ABTB3: variants seen among roughly 807,000 people sequenced by gnomAD.
ABTB3 encodes ankyrin repeat- and BTB/POZ domain-containing protein 3.
At chr12:107,500,101 C>A in the ABTB3 span, among the ~76,000 whole-genome samples, 1 of 152,136 alleles carries the variant, frequency 6.6e-6, no homozygotes, top group Admixed American at 6.5e-5. Context: ...CCCTGACATG[C>A]GGCGATTACA....
At chr12:107,349,551 CCTCT>C in the ABTB3 span, among the ~76,000 whole-genome samples, 1 of 152,162 alleles carries the variant, frequency 6.6e-6, no homozygotes, top group East Asian at 1.9e-4. Context: ...GGTTATTTAA[CCTCT>C]CTGAGTCTTT....
At chr12:107,590,247 T>C in the ABTB3 span, among the ~76,000 whole-genome samples, 1 of 152,330 alleles carries the variant, frequency 6.6e-6, no homozygotes, top group African/African-American at 2.4e-5. Context: ...AAGGCTTCTA[T>C]ATAAACACAC....
chr12:107,524,801 T>G, the ABTB3 span, among the ~76,000 whole-genome samples: 1 of 152,222 alleles, frequency 6.6e-6, no homozygotes, highest in Non-Finnish European at 1.5e-5. Flanking sequence ...CACTCAGACT[T>G]GAGATTCCCC....
the ABTB3 span, among the ~76,000 whole-genome samples, chr12:107,378,950 A>G: frequency 1.3e-5 from 2 of 152,212 alleles, no homozygotes; most frequent in Non-Finnish European, 2.9e-5. Flanking sequence ...AGATGGTGCC[A>G]GAAGGAATTT....
At chr12:107,415,117 C>T in the ABTB3 span, among the ~76,000 whole-genome samples, 19 of 152,276 alleles carry the variant, frequency 1.2e-4, no homozygotes, top group East Asian at 3.5e-3. Flanking sequence ...TCTGTTTCCT[C>T]CACTTATCAT....
the ABTB3 span, among the ~76,000 whole-genome samples, chr12:107,540,941 ATGATCACCC>A: frequency 6.6e-6 from 1 of 152,180 alleles, no homozygotes; most frequent in Non-Finnish European, 1.5e-5. Context: ...GCAGTGAGCT[ATGATCACCC>A]TGCTGCACTC....
the ABTB3 span, among the ~76,000 whole-genome samples, chr12:107,636,412 T>C: frequency 6.6e-6 from 1 of 152,244 alleles, no homozygotes; most frequent in Non-Finnish European, 1.5e-5. Flanking sequence ...GGACTTTTCC[T>C]ACTTCCTGTT....
the ABTB3 span, among the ~76,000 whole-genome samples, chr12:107,550,487 G>A: frequency 1.4e-5 from 2 of 139,132 alleles, no homozygotes; most frequent in African/African-American, 2.6e-5. Flanking sequence ...CGGTGGTTCT[G>A]GGAAGCTAAA....
chr12:107,466,680 G>C, the ABTB3 span, among the ~76,000 whole-genome samples: 1 of 151,876 alleles, frequency 6.6e-6, no homozygotes, highest in African/African-American at 2.4e-5. Flanking sequence ...GTTGATGCCG[G>C]GCTATTTCAG....
At chr12:107,565,458 T>G in the ABTB3 span, among the ~76,000 whole-genome samples, 1 of 152,218 alleles carries the variant, frequency 6.6e-6, no homozygotes, top group Non-Finnish European at 1.5e-5. Context: ...ATTTCCCCTC[T>G]GTTATTCTCA....
At chr12:107,571,281 G>A in the ABTB3 span, among the ~76,000 whole-genome samples, 97 of 152,220 alleles carry the variant, frequency 6.4e-4, 1 homozygote, top group Non-Finnish European at 2.1e-4. Context: ...GCACAGAGAT[G>A]GGGAGTAGTT....
At chr12:107,361,647 G>T in the ABTB3 span, among the ~76,000 whole-genome samples, 13 of 152,148 alleles carry the variant, frequency 8.5e-5, no homozygotes, top group Non-Finnish European at 1.3e-4. Context: ...GAGAGGATCT[G>T]ATAAATAATA....
the ABTB3 span, among the ~76,000 whole-genome samples, chr12:107,523,779 C>T: frequency 3.9e-5 from 6 of 152,122 alleles, no homozygotes; most frequent in Non-Finnish European, 7.4e-5. Context: ...TGCTGTAAGA[C>T]GAACTGCCAC....
chr12:107,351,983 C>T, the ABTB3 span, among the ~76,000 whole-genome samples: 1 of 152,160 alleles, frequency 6.6e-6, no homozygotes, highest in African/African-American at 2.4e-5. Context: ...CATTCTGTTT[C>T]ATTCACTCAC....
the ABTB3 span, among the ~76,000 whole-genome samples, chr12:107,579,432 A>T: frequency 1.3e-5 from 2 of 152,198 alleles, no homozygotes; most frequent in East Asian, 3.9e-4. Flanking sequence ...ATGATACCTA[A>T]CCTGGATCAA....
At chr12:107,474,612 A>G in the ABTB3 span, among the ~76,000 whole-genome samples, 1 of 152,192 alleles carries the variant, frequency 6.6e-6, no homozygotes, top group Non-Finnish European at 1.5e-5. Context: ...AAGGGGAGGC[A>G]TTGGAGGGAA....
chr12:107,566,847 G>A, the ABTB3 span, among the ~76,000 whole-genome samples: 1 of 152,110 alleles, frequency 6.6e-6, no homozygotes, highest in Admixed American at 6.6e-5. Context: ...TGTAATTCCA[G>A]CACACCTGTA....
At chr12:107,349,872 T>C in the ABTB3 span, among the ~76,000 whole-genome samples, 68 of 152,334 alleles carry the variant, frequency 4.5e-4, no homozygotes, top group African/African-American at 1.4e-3. Context: ...ATTTGACTGA[T>C]GGCAGAGGCA....
the ABTB3 span, among the ~76,000 whole-genome samples, chr12:107,599,629 G>A: frequency 7.2e-5 from 11 of 152,034 alleles, no homozygotes; most frequent in African/African-American, 1.7e-4. Flanking sequence ...CAATTATGTC[G>A]TTACCTGTGT....
Sources: gnomAD v4.1 joint callset for allele counts (sites outside exome capture counted in the v4.1 genomes callset) on GRCh38, gnomAD v4.1.1 for gene constraint, MANE v1.5 for transcripts, NCBI Gene and HGNC (gene_info 2026-07-23, HGNC 2026-07-21) for gene names.